Variants in DMXL1 observed in about 807,000 individuals in gnomAD.
The protein encoded by DMXL1 is Dmx like 1, also known as dmX-like protein 1.
DMXL1 carries 99 observed loss-of-function variants against 319.2 expected under a neutral mutation model. The observed-to-expected ratio is 0.31, with a 90% CI of 0.26 to 0.37. The LOEUF (loss-of-function observed/expected upper bound fraction) is 0.37, where lower values mean the gene tolerates loss of function less well. Ranked by LOEUF, DMXL1 falls within the 10% of genes least tolerant of loss-of-function variation. The pLI is 1.00. For synonymous variants in DMXL1, 1,385 were observed against 1,235.2 expected, an observed-to-expected ratio of 1.12 and a Z score of -2.54; for missense variants, 3,745 against 3,595.6, an observed-to-expected ratio of 1.04 and a Z score of -1.06.
rs1374370192 is a variant in DMXL1 at position 119,157,364 on chromosome 5, T to C, written c.4702+5328T>C. On this transcript the variant is annotated intron_variant, in intron 19 of 43. Coordinates refer to ENST00000539542, the MANE Select transcript of DMXL1 (RefSeq NM_001290321.3). ...TGTTCATTTTTGCTTTTGTTGCCCG[T>C]CCCTTTGGTGTGATATCCAAAAAAA... 2.0e-5 allele frequency among the ~76,000 whole-genome samples: 3 copies of C among 152,342 alleles called. No homozygotes were observed. In the South Asian group the frequency reaches 6.2e-4, roughly 32 times the overall value.
At chr5:119,186,380 C>T (rs1410667171) in intron 28 of DMXL1, among the ~76,000 whole-genome samples, 1 of 152,130 alleles carries the variant, frequency 6.6e-6, no homozygotes, top group African/African-American at 2.4e-5. Flanking sequence ...AAGTGATCCT[C>T]CCAAGTGGCT....
intron 35 of DMXL1, 138 bp from the exon 36 acceptor site, chr5:119,220,333 TA>T: frequency 1.4e-6 from 1 of 690,590 alleles, no homozygotes; most frequent in Non-Finnish European, 2.3e-6. Context: ...ATTATTTCAC[TA>T]AAAGTAAGAA....
Position 119,170,932 on chromosome 5 carries a change from C to G in DMXL1, c.6141C>G (p.Gly2047=), listed in dbSNP as rs1317375305. Residue 2047 remains glycine, a synonymous_variant, in exon 24 of 44, where the codon GGC becomes GGG. Transcript: ENST00000539542. ...LTVELRTLST[G]YEIDGGKLRY... Reference sequence around the variant, plus strand: ...TAGAACTTCGTACTTTATCTACTGGCTATGAAATAGATGGTGGAAAATTGC... The same window carrying G: ...TAGAACTTCGTACTTTATCTACTGGGTATGAAATAGATGGTGGAAAATTGC... The G allele has an allele frequency of 6.2e-7, 1 of 1,613,522 alleles. No homozygotes were observed. The highest frequency in any genetic ancestry group is 1.1e-5 in the South Asian group (1 of 91,018).
At position 119,206,911 on chromosome 5, in the gene DMXL1, T is replaced by C. The variant is rs1371731034; in HGVS notation, c.7926+15T>C. 2 of 1,465,294 alleles carry C rather than the reference T, an allele frequency of 1.4e-6. No homozygotes were observed. The highest frequency in any genetic ancestry group is 1.8e-6 in the Non-Finnish European group (2 of 1,090,130). The allele number at this position is 1,465,294 out of a possible 1,614,324, so 90.8% of individuals were successfully genotyped here. On this transcript the variant is annotated intron_variant, in intron 34 of 43. Transcript: ENST00000539542. The stretch of plus-strand genomic sequence containing the variant: ...ACATCAATAAGGTACAAAATATCAT[T>C]CAACTGAAATTAAAAATTGCATTCT...
intron 9 of DMXL1, among the ~76,000 whole-genome samples, chr5:119,121,887 C>A (rs1359787966): frequency 6.7e-6 from 1 of 149,454 alleles, no homozygotes; most frequent in Non-Finnish European, 1.5e-5. Context: ...ACCTCCTGGA[C>A]GGGGCGGCTG....
chr5:119,206,325 T>C (rs1041945468), intron 33 of DMXL1, among the ~76,000 whole-genome samples: 5 of 152,086 alleles, frequency 3.3e-5, no homozygotes, highest in Non-Finnish European at 4.4e-5. Context: ...TTTTAAGAAG[T>C]GTATGTGCTT....
chr5:119,125,078 C>T (rs902945837), intron 9 of DMXL1, among the ~76,000 whole-genome samples: 5 of 151,976 alleles, frequency 3.3e-5, no homozygotes, highest in South Asian at 4.2e-4. Context: ...TTAAATTTAC[C>T]GTTTAAATCT....
chr5:119,200,688 C>G (rs1195482706), intron 32 of DMXL1, among the ~76,000 whole-genome samples: 1 of 152,100 alleles, frequency 6.6e-6, no homozygotes, highest in Non-Finnish European at 1.5e-5. Flanking sequence ...GATATTGATT[C>G]TTCTTCTCCA....
chr5:119,195,564 T>C (rs1217459781), intron 30 of DMXL1, among the ~76,000 whole-genome samples: 1 of 152,158 alleles, frequency 6.6e-6, no homozygotes, highest in East Asian at 1.9e-4. Context: ...ATAGTGGTTT[T>C]CAAGGGCTGG....
At chr5:119,158,144 G>C (rs1330295547) in intron 19 of DMXL1, among the ~76,000 whole-genome samples, 1 of 150,782 alleles carries the variant, frequency 6.6e-6, no homozygotes, top group Admixed American at 6.6e-5. Context: ...CTCCCACCCT[G>C]GCCTCCCAAA....
intron 9 of DMXL1, among the ~76,000 whole-genome samples, chr5:119,122,353 G>A (rs1762334652): frequency 1.3e-5 from 2 of 149,292 alleles, no homozygotes; most frequent in Non-Finnish European, 3.0e-5. Context: ...CGGCTGGCCG[G>A]GCAGAGGGGC....
In DMXL1 at chr5:119,247,285, T is replaced by C; in HGVS notation, c.*66T>C. ...AGTGGCCAACAGATATAATATACAG[T>C]GATCATTCTCTATGCCACAAATTAG... On this transcript the variant is annotated 3_prime_UTR_variant, in exon 44 of 44. Transcript: ENST00000539542. The C allele has an allele frequency of 1.8e-6, 2 of 1,099,998 alleles. No homozygotes were observed. Among genetic ancestry groups the C allele is most frequent in the Non-Finnish European group, 2.6e-6 (2 of 765,062 alleles). The allele number at this position is 1,099,998 out of a possible 1,614,324, so 68.1% of individuals were successfully genotyped here. A position where few individuals can be genotyped will look rare whatever the true frequency, so the allele number is the denominator to read the frequency against.
At chr5:119,073,461 A>C (rs1273552785) in intron 1 of DMXL1, among the ~76,000 whole-genome samples, 1 of 152,224 alleles carries the variant, frequency 6.6e-6, no homozygotes, top group Non-Finnish European at 1.5e-5. Context: ...ACCTGGATGC[A>C]TTCCTCTATA....
At chr5:119,130,076 C>G (rs1455151084) in intron 10 of DMXL1, among the ~76,000 whole-genome samples, 6 of 151,616 alleles carry the variant, frequency 4.0e-5, no homozygotes, top group African/African-American at 9.7e-5. Flanking sequence ...GTCTGTGGTT[C>G]ATAAATGTGT....
chr5:119,157,822 G>A lies in DMXL1; in HGVS notation c.4702+5786G>A, dbSNP rs116036438. ...TTTGGTGTTTCTTGGTATTCCTAAT[G>A]AATTTTAGGGTTTTTTTCTTCTATT... is the stretch of plus-strand genomic sequence containing the variant. On this transcript the variant is annotated intron_variant, in intron 19 of 43. Coordinates refer to ENST00000539542, the MANE Select transcript of DMXL1 (RefSeq NM_001290321.3). 3.8e-3 allele frequency among the ~76,000 whole-genome samples: 576 copies of A among 152,186 alleles called. 5 individuals are homozygous for A. The highest frequency in any genetic ancestry group is 0.013 in the African/African-American group (560 of 41,516).
At chr5:119,093,430 C>G (rs1257691129) in intron 1 of DMXL1, among the ~76,000 whole-genome samples, 1 of 152,168 alleles carries the variant, frequency 6.6e-6, no homozygotes, top group African/African-American at 2.4e-5. Flanking sequence ...GCCACCATGC[C>G]TGGCCCCTTT....
intron 9 of DMXL1, among the ~76,000 whole-genome samples, chr5:119,121,777 G>A (rs1228047415): frequency 2.0e-5 from 3 of 151,758 alleles, no homozygotes; most frequent in Non-Finnish European, 4.4e-5. Flanking sequence ...ATCCTGGCCC[G>A]TTCTCAATGA....
intron 13 of DMXL1, 55 bp from the exon 14 acceptor site, chr5:119,143,786 C>A: frequency 8.4e-7 from 1 of 1,193,082 alleles, no homozygotes; most frequent in Non-Finnish European, 1.2e-6. Flanking sequence ...TTGTTATTTA[C>A]TCTTATTTGC....
chr5:119,181,337 G>T (rs1170497196), intron 28 of DMXL1, among the ~76,000 whole-genome samples: 1 of 152,132 alleles, frequency 6.6e-6, no homozygotes, highest in Non-Finnish European at 1.5e-5. Context: ...TCATATCCAG[G>T]TTATATGGTG....
Sources: gnomAD v4.1 joint callset for allele counts (sites outside exome capture counted in the v4.1 genomes callset) on GRCh38, gnomAD v4.1.1 for gene constraint, MANE v1.5 for transcripts, NCBI Gene and HGNC (gene_info 2026-07-23, HGNC 2026-07-21) for gene names.